LIG1: variants seen among roughly 807,000 people sequenced by gnomAD.
The protein encoded by LIG1 is DNA ligase 1.
Under a neutral mutation model 115.7 loss-of-function variants are expected in LIG1, and 70 were observed. The ratio of observed to expected loss-of-function variants is 0.60; its 90% CI spans 0.50 to 0.74. The LOEUF is 0.74. Among genes scored for constraint, LIG1 ranks in the 30% least tolerant of loss-of-function variants. The probability of loss-of-function intolerance (pLI) is 0.00; values close to 1 mark genes in which losing one functional copy is unlikely to be tolerated. For synonymous variants in LIG1, 487 were observed against 495.3 expected (o/e 0.98, Z 0.22); for missense variants, 1,115 against 1,225.6 (o/e 0.91, Z 1.35).
chr19:48,133,003 T>G lies in LIG1; in HGVS notation c.1704A>C (p.Lys568Asn). ...ATACCTGTGCCCTCTGCCCGTCATA[T>G]TTGTATTCGCAGGTGAAAGCTGCCT... ...FEEAAFTCEY[K>N]YDGQRAQIHA... The change falls in exon 18 of 28, where the codon AAA (lysine) becomes AAC (asparagine). Residue 568 changes from lysine (K) to asparagine (N), a missense_variant. Coordinates refer to ENST00000263274, the MANE Select transcript of LIG1 (RefSeq NM_000234.3). 6.2e-7 allele frequency: 1 copy of G among 1,613,612 alleles called. No individual in the cohort carries two copies.
In LIG1 at chr19:48,137,877, G is replaced by A. The variant is rs1568507880; in HGVS notation, c.1088-189C>T. The stretch of plus-strand genomic sequence containing the variant: ...GAACGTGCCCCCAGCCACGCTGGCT[G>A]TAGGAAGTCAGCAAACATGCACGTG... On this transcript the variant is annotated intron_variant, in intron 12 of 27. Transcript: ENST00000263274. This position sits in a 1 kb window ranked among gnomAD's most constrained non-coding sequence, Gnocchi z 4.3. The A allele has an allele frequency of 1.5e-6, 1 of 684,176 alleles. No individual in the cohort carries two copies. The highest frequency in any genetic ancestry group is 2.5e-6 in the Non-Finnish European group (1 of 396,660). 42.4% of individuals were successfully genotyped at this position (684,176 alleles called of 1,614,324 possible).
At chr19:48,138,922 C>A (rs1465880511) in intron 12 of LIG1, among the ~76,000 whole-genome samples, 1 of 152,164 alleles carries the variant, frequency 6.6e-6, no homozygotes, top group Admixed American at 6.5e-5. Context: ...GTCTCATCTC[C>A]TCTGGCTCCC....
chr19:48,145,922 A>G (rs175628), intron 9 of LIG1: 50,658 of 152,166 alleles, frequency 0.33, 8,858 homozygotes, highest in East Asian at 0.55. Context: ...ATTCCTAGCC[A>G]GTCCTCAATA....
chr19:48,164,861 G>C (rs149498228), intron 2 of LIG1, among the ~76,000 whole-genome samples: 320 of 152,302 alleles, frequency 2.1e-3, no homozygotes, highest in African/African-American at 7.4e-3. Flanking sequence ...TGTGTTGTTG[G>C]GGGGGCTGTC....
intron 9 of LIG1, among the ~76,000 whole-genome samples, chr19:48,148,238 C>G (rs960332449): frequency 6.6e-6 from 1 of 152,084 alleles, no homozygotes; most frequent in Non-Finnish European, 1.5e-5. Context: ...CTTTGAGAGG[C>G]TGAGGCGGCC....
intron 1 of LIG1, chr19:48,169,915 C>CCCT (rs1568568139): frequency 6.9e-6 from 1 of 144,424 alleles, no homozygotes; most frequent in Non-Finnish European, 1.5e-5. Context: ...CAGTTTTCCC[C>CCCT]CCCCCGGCCC....
At chr19:48,138,702 C>A (rs946078692) in intron 12 of LIG1, among the ~76,000 whole-genome samples, 6 of 152,196 alleles carry the variant, frequency 3.9e-5, no homozygotes, top group Admixed American at 2.6e-4. Context: ...GTGGAAGAGG[C>A]CCCAGCTGCC....
chr19:48,169,076 C>T (rs1290229584), intron 1 of LIG1, among the ~76,000 whole-genome samples: 1 of 152,142 alleles, frequency 6.6e-6, no homozygotes, highest in Non-Finnish European at 1.5e-5. Context: ...CTTGGGTGGA[C>T]CTCCAGGGCA....
rs146807387 is a variant in LIG1, at chr19:48,158,628, G to A, written c.244-1488C>T. On this transcript the variant is annotated intron_variant, in intron 4 of 27. Transcript: ENST00000263274. ...TGCTCTGGCGCCACCTGGGCATCAG[G>A]CAGTGCCAATGGAGGGAAGCAGAGG... Among the ~76,000 whole-genome samples, 113 of 152,378 alleles carry A rather than the reference G, an allele frequency of 7.4e-4. No individual in the cohort carries two copies. In the East Asian group the frequency reaches 0.021, roughly 28 times the overall value.
rs139413667 is a variant in LIG1, at chr19:48,157,104, G to A, written c.280C>T (p.Arg94Cys). The A allele has an allele frequency of 1.9e-3, 3,110 of 1,613,552 alleles. 5 individuals carry two copies. The highest frequency in any genetic ancestry group is 2.4e-3 in the Non-Finnish European group (2,800 of 1,179,686). The change falls in exon 5 of 28, where the codon CGT becomes TGT. Residue 94 changes from arginine to cysteine, a missense_variant. Arg to Cys is a radical substitution (Grantham distance 180). Transcript: ENST00000263274. ...TTGTTCTCAGGAGATGTGGCAGGAC[G>A]GGGCGGGGAGACCTGTGAGCAGTCC... The part of the protein sequence containing the change: ...ALDCSQVSPP[R>C]PATSPENNAS...
chr19:48,156,300 G>GTCTCCC (rs3730873), intron 5 of LIG1, among the ~76,000 whole-genome samples: 46,676 of 151,532 alleles, frequency 0.31, 8,284 homozygotes, highest in East Asian at 0.55. Context: ...TCTTCTGGAA[G>GTCTCCC]TCTCCCTTGA....
At chr19:48,124,946 C>T (rs1032264358) in intron 21 of LIG1, among the ~76,000 whole-genome samples, 1 of 150,564 alleles carries the variant, frequency 6.6e-6, no homozygotes, top group African/African-American at 2.5e-5. Context: ...ACGCCAGAGG[C>T]GGAGGCTGCA....
intron 1 of LIG1, among the ~76,000 whole-genome samples, chr19:48,166,661 T>C (rs181975361): frequency 2.0e-5 from 3 of 152,266 alleles, no homozygotes; most frequent in African/African-American, 4.8e-5. Context: ...TTCCACAGTT[T>C]AGAGTAACTC....
Position 48,135,798 on chromosome 19 carries a change from G to A in LIG1, c.1424-19C>T, listed in dbSNP as rs2122604895. 1 of 1,606,852 alleles carries A rather than the reference G, an allele frequency of 6.2e-7. No individual in the cohort carries two copies. The highest frequency in any genetic ancestry group is 8.5e-7 in the Non-Finnish European group (1 of 1,173,472). On this transcript the variant is annotated intron_variant, in intron 15 of 27. Coordinates refer to ENST00000263274, the MANE Select transcript of LIG1 (RefSeq NM_000234.3). ...GGGAATTCTAAGAAAAGACCCACCA[G>A]AGGCTTTGGAAGGCACCCACATCCT...
rs3730939 is a variant in LIG1, at chr19:48,143,310, C to T, written c.914+233G>A. ...CCGAGATGGAGCCTGTCTCCTTACC[C>T]TGCACATCTGGGCTCGCCCCTTGTG... On this transcript the variant is annotated intron_variant, in intron 11 of 27. Coordinates refer to ENST00000263274, the MANE Select transcript of LIG1 (RefSeq NM_000234.3). Among the ~76,000 whole-genome samples, 495 of 152,366 alleles carry T rather than the reference C, an allele frequency of 3.2e-3. 1 individual carries two copies. The highest frequency in any genetic ancestry group is 0.011 in the African/African-American group (475 of 41,588).
In LIG1 at chr19:48,161,444, C is replaced by G. The variant is rs748730643; in HGVS notation, c.171G>C (p.Gly57=). 3.1e-6 allele frequency: 5 copies of G among 1,614,186 alleles called. No homozygotes were observed. Among genetic ancestry groups the G allele is most frequent in the Middle Eastern group, 1.6e-4 (1 of 6,062 alleles). Residue 57 remains glycine, a synonymous_variant, in exon 4 of 28, where the codon GGG becomes GGC. Transcript: ENST00000263274. ...TGCCCAGGACCCGGGCCGCCTTCCT[C>G]CCTGGCCTCTTCACCGGAGAGTCAC... ...SESDSPVKRP[G]RKAARVLGSE... is the part of the protein sequence containing the mutation.
chr19:48,131,553 G>C (rs1351177593), intron 18 of LIG1, among the ~76,000 whole-genome samples: 1 of 152,182 alleles, frequency 6.6e-6, no homozygotes, highest in African/African-American at 2.4e-5. Context: ...CCACCTCCCG[G>C]GTTCAAGAGA....
chr19:48,143,772 A>G (rs1470862634), intron 10 of LIG1, 111 bp downstream of exon 10: 5 of 1,148,268 alleles, frequency 4.4e-6, no homozygotes, highest in Non-Finnish European at 6.6e-6. Context: ...ATTGTCGCCA[A>G]AACACAGGAG....
intron 11 of LIG1, among the ~76,000 whole-genome samples, chr19:48,141,746 C>T (rs1011892306): frequency 6.6e-6 from 1 of 152,170 alleles, no homozygotes; most frequent in African/African-American, 2.4e-5. Context: ...GTTTTTCCTA[C>T]AGAAGTCTCA....
Sources: gnomAD v4.1 joint callset for allele counts (sites outside exome capture counted in the v4.1 genomes callset) on GRCh38, gnomAD v4.1.1 for gene constraint, Gnocchi (gnomAD v3.1) non-coding constraint, MANE v1.5 for transcripts, NCBI Gene and HGNC (gene_info 2026-07-23, HGNC 2026-07-21) for gene names.